The following SRSF4 variants were observed in gnomAD, a reference collection of about 807,000 sequenced individuals.
SRSF4 encodes serine/arginine-rich splicing factor 4.
In SRSF4, 12 loss-of-function variants were observed where a neutral mutation model predicts 48.8. The ratio of observed to expected loss-of-function variants is 0.25; its 90% CI spans 0.16 to 0.40. The LOEUF (loss-of-function observed/expected upper bound fraction) is 0.40, where lower values mean the gene tolerates loss of function less well. Ranked by LOEUF, SRSF4 falls within the 10% of genes least tolerant of loss-of-function variation. The probability of loss-of-function intolerance (pLI) is 1.00; values close to 1 mark genes in which losing one functional copy is unlikely to be tolerated. For missense variants in SRSF4, 466 were observed against 667.1 expected, an observed-to-expected ratio of 0.70 and a Z score of 3.32; for synonymous variants, 248 against 232.5, an observed-to-expected ratio of 1.07 and a Z score of -0.61.
intron 1 of SRSF4, among the ~76,000 whole-genome samples, chr1:29,179,069 G>A (rs1212291825): frequency 6.6e-6 from 1 of 152,044 alleles, no homozygotes; most frequent in East Asian, 1.9e-4. Context: ...AGGTATTTAG[G>A]GTCCTGAAAG....
At chr1:29,170,239 T>A (rs1672727789) in intron 1 of SRSF4, 1 of 151,948 alleles carries the variant, frequency 6.6e-6, no homozygotes, top group Non-Finnish European at 1.5e-5. Flanking sequence ...AACCACAAAT[T>A]AAAAACGATT....
intron 1 of SRSF4, among the ~76,000 whole-genome samples, chr1:29,179,899 T>C (rs916479208): frequency 6.6e-6 from 1 of 152,226 alleles, no homozygotes; most frequent in African/African-American, 2.4e-5. Flanking sequence ...ATCAATACAT[T>C]TGGTTGATGA....
intron 1 of SRSF4, 33 bp downstream of exon 1, chr1:29,181,613 C>G: frequency 6.4e-7 from 1 of 1,550,558 alleles, no homozygotes. Flanking sequence ...GGGTCTGTCC[C>G]CGCCCGGCCG....
chr1:29,158,378 G>A (rs529690476), intron 3 of SRSF4, among the ~76,000 whole-genome samples: 1 of 152,058 alleles, frequency 6.6e-6, no homozygotes, highest in East Asian at 1.9e-4. Flanking sequence ...AAACACTGAT[G>A]GTTTCAACCA....
intron 1 of SRSF4, among the ~76,000 whole-genome samples, chr1:29,164,080 G>A (rs1197843689): frequency 6.6e-6 from 1 of 152,096 alleles, no homozygotes; most frequent in African/African-American, 2.4e-5. Flanking sequence ...TGAACTCCTG[G>A]GATCAAGGGA....
intron 4 of SRSF4, among the ~76,000 whole-genome samples, chr1:29,153,007 T>C (rs1672437483): frequency 6.6e-6 from 1 of 152,188 alleles, no homozygotes; most frequent in African/African-American, 2.4e-5. Flanking sequence ...TTCTACAGCA[T>C]GTCCTTAGGG....
In SRSF4 at chr1:29,154,819, T is replaced by C; in HGVS notation, c.455A>G (p.Asp152Gly). 6.2e-7 allele frequency: 1 copy of C among 1,614,166 alleles called. No homozygotes were observed. The change falls in exon 4 of 6, where the codon GAT becomes GGT. Residue 152 changes from aspartate (D) to glycine (G), a missense_variant. Around this residue, in one of 2 missense-constraint regions of SRSF4, gnomAD observed 64 missense variants for 230.2 expected, o/e 0.28. Transcript: ENST00000373795. ...EGVIEFVSYS[D>G]MKRALEKLDG... ...CAACTTTTCCAAAGCTCTTTTCATA[T>C]CAGAATAAGATACAAATTCAATCAC...
chr1:29,180,091 A>G lies in SRSF4; in HGVS notation c.107+1555T>C, dbSNP rs74065263. ...AAATGCTTTACATTTATTATCTCTA[A>G]TCTTCCTTTTCCACATGAATGAACA... On this transcript the variant is annotated intron_variant, in intron 1 of 5. Transcript: ENST00000373795. Among the ~76,000 whole-genome samples the G allele has an allele frequency of 2.1e-3, 320 of 152,310 alleles. 2 individuals carry two copies. The highest frequency in any genetic ancestry group is 6.5e-3 in the African/African-American group (271 of 41,546).
At chr1:29,168,066 A>AGCGCAGCG (rs1277984593) in intron 1 of SRSF4, among the ~76,000 whole-genome samples, 2 of 148,670 alleles carry the variant, frequency 1.3e-5, no homozygotes, top group African/African-American at 5.0e-5. Flanking sequence ...CGCAGGCTGC[A>AGCGCAGCG]GCGCAGCGGC....
chr1:29,173,857 T>C (rs1487315495), intron 1 of SRSF4, among the ~76,000 whole-genome samples: 2 of 151,884 alleles, frequency 1.3e-5, no homozygotes, highest in East Asian at 1.9e-4. Context: ...TAGAAAAAAT[T>C]AGTTTAAAAA....
At chr1:29,157,074 A>G (rs1672512519) in intron 3 of SRSF4, among the ~76,000 whole-genome samples, 1 of 152,158 alleles carries the variant, frequency 6.6e-6, no homozygotes, top group Admixed American at 6.5e-5. Flanking sequence ...GGTGGGAGCG[A>G]GCTTAACTAG....
intron 1 of SRSF4, among the ~76,000 whole-genome samples, chr1:29,178,740 G>C (rs1166267235): frequency 6.6e-6 from 1 of 152,170 alleles, no homozygotes; most frequent in African/African-American, 2.4e-5. Context: ...GGGACTATAA[G>C]CTTACATACG....
chr1:29,153,760 T>C (rs1408956628), intron 4 of SRSF4, among the ~76,000 whole-genome samples: 1 of 151,360 alleles, frequency 6.6e-6, no homozygotes, highest in Non-Finnish European at 1.5e-5. Flanking sequence ...CACCAACGCC[T>C]AGCTAATTTT....
At chr1:29,162,606 G>T (rs904365671) in intron 1 of SRSF4, among the ~76,000 whole-genome samples, 1 of 152,204 alleles carries the variant, frequency 6.6e-6, no homozygotes, top group East Asian at 1.9e-4. Flanking sequence ...TTGGCACCAT[G>T]TGAGAGCCTG....
intron 1 of SRSF4, among the ~76,000 whole-genome samples, chr1:29,164,958 G>A (rs1672648904): frequency 6.6e-6 from 1 of 152,168 alleles, no homozygotes; most frequent in Non-Finnish European, 1.5e-5. Flanking sequence ...GCAACAAGAT[G>A]CTCAAATTTG....
intron 5 of SRSF4, 23 bp downstream of exon 5, chr1:29,150,080 T>C (rs753777789): frequency 1.3e-6 from 2 of 1,599,966 alleles, no homozygotes; most frequent in Admixed American, 3.3e-5. Context: ...TGACCACCTC[T>C]ACTTATAACA....
At chr1:29,160,680 G>A (rs113180698) in intron 1 of SRSF4, 163 bp from the exon 2 acceptor site, 1 of 664,666 alleles carries the variant, frequency 1.5e-6, no homozygotes, top group Non-Finnish European at 2.3e-6. Flanking sequence ...TTTGCTTTGT[G>A]CCAACAGGCA....
At position 29,149,191 on chromosome 1, in the gene SRSF4, C is replaced by T. The variant is rs142487826; in HGVS notation, c.704G>A (p.Arg235Gln). ...GSRSRSKSRS[R>Q]SQSRSRSKKE... ...CTTGCTCCGGCTCCGACTCTGGCTC[C>T]GGCTCCGGCTCTTGCTCCGGGAGCG... is the stretch of plus-strand genomic sequence containing the variant. The change falls in exon 6 of 6, where the codon CGG becomes CAG. Residue 235 changes from arginine (R) to glutamine (Q), a missense_variant. Arg to Gln is a conservative substitution (Grantham distance 43). Transcript: ENST00000373795. 2.7e-5 allele frequency: 43 copies of T among 1,609,246 alleles called. No homozygotes were observed. Among genetic ancestry groups the T allele is most frequent in the Admixed American group, 5.0e-5 (3 of 59,970 alleles).
intron 1 of SRSF4, chr1:29,169,449 G>T (rs1672715075): frequency 6.6e-6 from 1 of 152,200 alleles, no homozygotes; most frequent in African/African-American, 2.4e-5. Flanking sequence ...ATGAGAAAGA[G>T]TAAGTGGCAA....
Sources: allele counts gnomAD v4.1 joint callset (sites outside exome capture counted in the v4.1 genomes callset), GRCh38; gene constraint gnomAD v4.1.1; regional missense constraint gnomAD v4.1.1; transcripts MANE v1.5; gene names NCBI Gene and HGNC (gene_info 2026-07-23, HGNC 2026-07-21).